Variants in FILIP1 observed in about 807,000 individuals in gnomAD.
The protein encoded by FILIP1 is filamin A interacting protein 1, also known as filamin-A-interacting protein 1.
FILIP1 carries 61 observed loss-of-function variants against 102.1 expected under a neutral mutation model. The ratio of observed to expected loss-of-function variants is 0.60; its 90% CI spans 0.49 to 0.74. The LOEUF is 0.74. Ranked by LOEUF, FILIP1 falls within the 30% of genes least tolerant of loss-of-function variation. The pLI is 0.00. For synonymous variants in FILIP1, 491 were observed against 526.9 expected (o/e 0.93, Z 0.93); for missense variants, 1,314 against 1,441.2 (o/e 0.91, Z 1.43).
chr6:75,429,480 C>A lies in FILIP1; in HGVS notation c.-6-14502G>T, dbSNP rs906452898. ...GCAGGGAATGGGTTCCTCAGGATGC[C>A]TCTATAGGCATGCAGCCAAAGCTGA... On this transcript the variant is annotated intron_variant, in intron 1 of 5. Transcript: ENST00000237172. Among the ~76,000 whole-genome samples, 6 of 152,288 alleles carry A rather than the reference C, an allele frequency of 3.9e-5. No individual in the cohort carries two copies. The East Asian group carries it at 1.2e-3, about 29-fold the overall frequency.
intron 1 of FILIP1, among the ~76,000 whole-genome samples, chr6:75,419,188 T>G (rs1777368667): frequency 6.6e-6 from 1 of 152,194 alleles, no homozygotes; most frequent in Non-Finnish European, 1.5e-5. Flanking sequence ...CCAGACTTCC[T>G]TAGCTCTTGC....
chr6:75,341,923 A>G (rs1052480261), intron 4 of FILIP1, among the ~76,000 whole-genome samples: 6 of 152,226 alleles, frequency 3.9e-5, no homozygotes, highest in African/African-American at 1.4e-4. Context: ...TAATACACAG[A>G]TGAGTAAAAG....
chr6:75,308,855 T>C lies in FILIP1; in HGVS notation c.3478A>G (p.Ile1160Val). The change falls in exon 6 of 6, where the codon ATT becomes GTT. Residue 1160 changes from isoleucine (I) to valine (V), a missense_variant. Transcript: ENST00000237172. The part of the protein sequence containing the change: ...GSSQRPTPTR[I>V]PMSKGMKAGK... ...GCTTTCATACCTTTTGACATAGGAATGCGGGTGGGTGTAGGCCGCTGGGAT... is the reference window on the plus strand; with the variant it reads ...GCTTTCATACCTTTTGACATAGGAACGCGGGTGGGTGTAGGCCGCTGGGAT... The C allele has an allele frequency of 6.2e-7, 1 of 1,614,158 alleles. No homozygotes were observed. Among genetic ancestry groups the C allele is most frequent in the Non-Finnish European group, 8.5e-7 (1 of 1,179,994 alleles).
rs1773230176 is a variant in FILIP1, at chr6:75,312,452, C to T, written c.3380G>A (p.Ser1127Asn). The part of the protein sequence containing the change: ...SSRPGASKVT[S>N]TITITPVTTS... ...TGTGACCGGTGTTATGGTGATAGTG[C>T]TCGTCACTTTGCTTGCACCAGGCCG... Residue 1127 changes from serine (S) to asparagine (N), a missense_variant, in exon 5 of 6, where the codon AGC becomes AAC. Coordinates refer to ENST00000237172, the MANE Select transcript of FILIP1 (RefSeq NM_015687.5). The T allele has an allele frequency of 3.7e-6, 6 of 1,614,132 alleles. No individual in the cohort carries two copies. The highest frequency in any genetic ancestry group is 5.1e-6 in the Non-Finnish European group (6 of 1,180,024).
At chr6:75,320,953 G>A (rs1236686213) in intron 4 of FILIP1, among the ~76,000 whole-genome samples, 1 of 152,190 alleles carries the variant, frequency 6.6e-6, no homozygotes, top group African/African-American at 2.4e-5. Flanking sequence ...ACAGCTATGG[G>A]AGTATTAGAA....
intron 1 of FILIP1, among the ~76,000 whole-genome samples, chr6:75,449,958 G>C (rs1465914928): frequency 6.6e-6 from 1 of 152,034 alleles, no homozygotes; most frequent in Non-Finnish European, 1.5e-5. Context: ...TTTAGAGACA[G>C]GGTCTCACTC....
intron 3 of FILIP1, chr6:75,361,045 G>A (rs9341515): frequency 0.61 from 92,423 of 152,062 alleles, 28,195 homozygotes; most frequent in South Asian, 0.7. Flanking sequence ...GCAGTATCAG[G>A]AAAAGTATTT....
chr6:75,308,620 C>T lies in FILIP1; in HGVS notation c.*71G>A, dbSNP rs896253621. 6 of 1,595,066 alleles carry T rather than the reference C, an allele frequency of 3.8e-6. No homozygotes were observed. The highest frequency in any genetic ancestry group is 2.7e-5 in the African/African-American group (2 of 74,444). ...TAAATTAGTACATGTAAAGAACTGG[C>T]ACAAACAGATGAAGGTTCACTTTCA... On this transcript the variant is annotated 3_prime_UTR_variant, in exon 6 of 6. Coordinates refer to ENST00000237172, the MANE Select transcript of FILIP1 (RefSeq NM_015687.5).
intron 2 of FILIP1, among the ~76,000 whole-genome samples, chr6:75,398,550 A>G (rs770321231): frequency 1.3e-5 from 2 of 152,186 alleles, no homozygotes; most frequent in Admixed American, 1.3e-4. Flanking sequence ...GTCTGTATCT[A>G]TAAGTATTAG....
chr6:75,308,816 C>A lies in FILIP1; in HGVS notation c.3517G>T (p.Val1173Leu), dbSNP rs768717241. Reference sequence around the variant, plus strand: ...AGATTTCCTGCTCCTGGGGCTGCCACTACTGGCTTTCCTGCTTTCATACCT... The same window carrying A: ...AGATTTCCTGCTCCTGGGGCTGCCAATACTGGCTTTCCTGCTTTCATACCT... ...SKGMKAGKPVVAAPGAGNLTK... is the reference protein window; with the variant it reads ...SKGMKAGKPVLAAPGAGNLTK... Residue 1173 changes from valine to leucine, a missense_variant, in exon 6 of 6, where the codon GTG becomes TTG. By Grantham distance (32) the Val-to-Leu change is conservative (BLOSUM62 1). Transcript: ENST00000237172. 1 of 1,614,142 alleles carries A rather than the reference C, an allele frequency of 6.2e-7. No homozygotes were observed. Among genetic ancestry groups the A allele is most frequent in the African/African-American group, 1.3e-5 (1 of 75,034 alleles).
At chr6:75,493,066 C>A (rs1283631066) in intron 1 of FILIP1, among the ~76,000 whole-genome samples, 1 of 152,168 alleles carries the variant, frequency 6.6e-6, no homozygotes, top group Non-Finnish European at 1.5e-5. Flanking sequence ...GGGGAGATAT[C>A]CTTTTCATTG....
chr6:75,439,217 T>C (rs112176191), intron 1 of FILIP1, among the ~76,000 whole-genome samples: 2,944 of 152,232 alleles, frequency 0.019, 41 homozygotes, highest in Non-Finnish European at 0.028. Flanking sequence ...ATACAAAAAA[T>C]TAGCCACGTG....
In FILIP1 at chr6:75,397,537, GACACACACACACACACAC is replaced by G. The variant is rs59797690; in HGVS notation, c.276+17142_276+17159del. Among the ~76,000 whole-genome samples, 34 of 139,074 alleles carry G rather than the reference GACACACACACACACACAC, an allele frequency of 2.4e-4. 1 individual carries two copies. In the South Asian group the frequency reaches 4.2e-3, roughly 17 times the overall value. The allele number at this position is 139,074 out of a possible 152,430, so 91.2% of individuals were successfully genotyped here. A position where few individuals can be genotyped will look rare whatever the true frequency, so the allele number is the denominator to read the frequency against. On this transcript the variant is annotated intron_variant, in intron 2 of 5. Transcript: ENST00000237172. Reference sequence around the variant, plus strand: ...TTTTACATAACATATACACATATAAGACACACACACACACACACACACACACACACACACACACACACG... The same window carrying G: ...TTTTACATAACATATACACATATAAGACACACACACACACACACACACACG...
At chr6:75,394,767 G>A (rs1343618936) in intron 2 of FILIP1, among the ~76,000 whole-genome samples, 1 of 152,146 alleles carries the variant, frequency 6.6e-6, no homozygotes, top group Non-Finnish European at 1.5e-5. Context: ...AGGAATTACA[G>A]CACTGAATTG....
intron 1 of FILIP1, among the ~76,000 whole-genome samples, chr6:75,449,370 G>A (rs1778547207): frequency 6.6e-6 from 1 of 152,074 alleles, no homozygotes; most frequent in South Asian, 2.1e-4. Context: ...TGCATTTTGG[G>A]TACAGTGTAC....
chr6:75,334,164 G>A (rs1385524207), intron 4 of FILIP1, among the ~76,000 whole-genome samples: 1 of 152,172 alleles, frequency 6.6e-6, no homozygotes, highest in Non-Finnish European at 1.5e-5. Context: ...TACATTTACA[G>A]TATATAGAAA....
Position 75,314,952 on chromosome 6 carries a change from G to A in FILIP1, c.880C>T (p.Gln294Ter), listed in dbSNP as rs190732578. 1 of 1,613,976 alleles carries A rather than the reference G, an allele frequency of 6.2e-7. No individual in the cohort carries two copies. Among genetic ancestry groups the A allele is most frequent in the African/African-American group, 1.3e-5 (1 of 74,926 alleles). Residue 294 changes from glutamine (Q) to a stop codon, truncating the protein, a stop_gained, in exon 5 of 6, where the codon CAG becomes TAG. Coordinates refer to ENST00000237172, the MANE Select transcript of FILIP1 (RefSeq NM_015687.5). LOFTEE classifies it high-confidence loss of function. ...TCCACTTCTAACTTGAGCAATTTCT[G>A]TCTGTCTTCTTTGGATTTGGAAGTA... Reference protein sequence around the residue: ...AITSKSKEDRQKLLKLEVDFE... With the variant: ...AITSKSKEDR
At chr6:75,428,071 G>T (rs1325613222) in intron 1 of FILIP1, among the ~76,000 whole-genome samples, 2 of 152,144 alleles carry the variant, frequency 1.3e-5, no homozygotes, top group Admixed American at 6.6e-5. Flanking sequence ...GGCAGAAGGA[G>T]GGGAAGAAGA....
At chr6:75,369,746 G>A (rs936723808) in intron 2 of FILIP1, among the ~76,000 whole-genome samples, 4 of 152,142 alleles carry the variant, frequency 2.6e-5, no homozygotes, top group Non-Finnish European at 5.9e-5. Context: ...TGAAAGACTT[G>A]GGGTAGATGA....
Sources: gnomAD v4.1 joint callset for allele counts (sites outside exome capture counted in the v4.1 genomes callset) on GRCh38, gnomAD v4.1.1 for gene constraint, MANE v1.5 for transcripts, NCBI Gene and HGNC (gene_info 2026-07-23, HGNC 2026-07-21) for gene names.